TRIO: variants seen among roughly 807,000 people sequenced by gnomAD.
TRIO encodes the protein triple functional domain protein.
TRIO carries 58 observed loss-of-function variants against 351.9 expected under a neutral mutation model. That is an observed-to-expected ratio of 0.16 (90% CI 0.13 to 0.21). TRIO has a LOEUF of 0.21. Among genes scored for constraint, TRIO ranks in the 10% least tolerant of loss-of-function variants. The probability of loss-of-function intolerance (pLI) is 1.00; values close to 1 mark genes in which losing one functional copy is unlikely to be tolerated. For missense variants in TRIO, 3,201 were observed against 4,027.8 expected (o/e 0.79, Z 5.56); for synonymous variants, 1,758 against 1,595.7 (o/e 1.10, Z -2.42).
intron 34 of TRIO, among the ~76,000 whole-genome samples, chr5:14,430,003 C>T (rs1030504200): frequency 6.6e-5 from 10 of 152,132 alleles, no homozygotes; most frequent in African/African-American, 1.2e-4. Context: ...GCAGGGACAT[C>T]GGGCTGGGAT....
intron 9 of TRIO, among the ~76,000 whole-genome samples, chr5:14,318,058 C>T (rs919010577): frequency 2.0e-5 from 3 of 151,668 alleles, no homozygotes; most frequent in East Asian, 3.9e-4. Flanking sequence ...ACCCAGGAGG[C>T]GGAGGTTGCA....
chr5:14,282,945 A>G (rs1478900970), intron 3 of TRIO, among the ~76,000 whole-genome samples: 1 of 152,168 alleles, frequency 6.6e-6, no homozygotes, highest in Non-Finnish European at 1.5e-5. Context: ...ATGGAGAAAG[A>G]TTTCAGAGTA....
chr5:14,476,819 A>G, intron 40 of TRIO, 75 bp from the exon 41 acceptor site: 2 of 1,311,578 alleles, frequency 1.5e-6, no homozygotes, highest in East Asian at 2.4e-5. Flanking sequence ...AAAGAAAAAG[A>G]AAAAATGTAA....
Position 14,179,611 on chromosome 5 carries a change from A to ATTT in TRIO, c.157+35739_157+35741dup, listed in dbSNP as rs60266582. 2.4e-4 allele frequency among the ~76,000 whole-genome samples: 35 copies of ATTT among 143,780 alleles called. 1 individual carries two copies. The highest frequency in any genetic ancestry group is 4.8e-4 in the African/African-American group (19 of 39,856). The allele number at this position is 143,780 out of a possible 152,430, so 94.3% of individuals were successfully genotyped here. A position where few individuals can be genotyped will look rare whatever the true frequency, so the allele number is the denominator to read the frequency against. On this transcript the variant is annotated intron_variant, in intron 1 of 56. Coordinates refer to ENST00000344204, the MANE Select transcript of TRIO (RefSeq NM_007118.4). ...ATCACGAAGCCCAGCTCAGTTTTTG[A>ATTT]TTTTTTTTTTTTCTTTTGGTAGCAG...
At chr5:14,204,033 A>G (rs184418522) in intron 1 of TRIO, among the ~76,000 whole-genome samples, 1 of 152,300 alleles carries the variant, frequency 6.6e-6, no homozygotes, top group Admixed American at 6.5e-5. Flanking sequence ...CAGGATCCTG[A>G]TGGATGTCTC....
At position 14,419,722 on chromosome 5, in the gene TRIO, G is replaced by C; in HGVS notation, c.4960-56G>C. On this transcript the variant is annotated intron_variant, in intron 33 of 56. Transcript: ENST00000344204. ...CCTGGAGGACTTCCCAGCTGTACCT[G>C]AAGGCACCATGGCTCACACTGGCTG... 3 of 1,593,296 alleles carry C rather than the reference G, an allele frequency of 1.9e-6. No individual in the cohort carries two copies. In the South Asian group the frequency reaches 3.5e-5, roughly 18 times the overall value.
intron 1 of TRIO, among the ~76,000 whole-genome samples, chr5:14,195,297 G>C (rs1248568333): frequency 1.3e-5 from 2 of 152,134 alleles, no homozygotes; most frequent in Non-Finnish European, 2.9e-5. Flanking sequence ...CAAGTTTGCT[G>C]AACGACCCTT....
At chr5:14,152,089 A>G (rs966493963) in intron 1 of TRIO, among the ~76,000 whole-genome samples, 1 of 152,234 alleles carries the variant, frequency 6.6e-6, no homozygotes, top group Non-Finnish European at 1.5e-5. Context: ...ACACAATAAA[A>G]TCTCTAAAGT....
chr5:14,428,055 T>A (rs1750795100), intron 34 of TRIO, among the ~76,000 whole-genome samples: 1 of 152,150 alleles, frequency 6.6e-6, no homozygotes, highest in Non-Finnish European at 1.5e-5. Flanking sequence ...TGGTTTAAAT[T>A]TGTTCACCCC....
intron 1 of TRIO, among the ~76,000 whole-genome samples, chr5:14,263,252 A>G (rs1795465070): frequency 6.6e-6 from 1 of 152,178 alleles, no homozygotes; most frequent in South Asian, 2.1e-4. Flanking sequence ...CACTTTGTAT[A>G]TGAGCACCCC....
chr5:14,469,970 G>A (rs1366297462), intron 37 of TRIO, among the ~76,000 whole-genome samples: 1 of 152,176 alleles, frequency 6.6e-6, no homozygotes, highest in African/African-American at 2.4e-5. Flanking sequence ...GGGATGGGGG[G>A]TACAGAACAT....
At chr5:14,393,488 TA>T (rs535323013) in intron 27 of TRIO, among the ~76,000 whole-genome samples, 218 of 152,382 alleles carry the variant, frequency 1.4e-3, no homozygotes, top group Non-Finnish European at 2.3e-3. Flanking sequence ...ACAGTTGGTT[TA>T]TTTTTTTAGA....
chr5:14,280,488 G>GTAA, intron 3 of TRIO, 52 bp downstream of exon 3: 1 of 1,493,276 alleles, frequency 6.7e-7, no homozygotes, highest in South Asian at 1.1e-5. Context: ...TACAAGAGAT[G>GTAA]TGGCGCTATA....
chr5:14,369,222 C>T, intron 17 of TRIO, 152 bp from the exon 18 acceptor site: 1 of 1,148,598 alleles, frequency 8.7e-7, no homozygotes. Flanking sequence ...TGTAGTTGTT[C>T]TCCAGCCAGG....
At position 14,257,767 on chromosome 5, in the gene TRIO, C is replaced by T. The variant is rs571457220; in HGVS notation, c.158-13058C>T. Among the ~76,000 whole-genome samples the T allele has an allele frequency of 2.6e-4, 39 of 152,270 alleles. No homozygotes were observed. The Middle Eastern group carries it at 0.014, about 53-fold the overall frequency. On this transcript the variant is annotated intron_variant, in intron 1 of 56. Transcript: ENST00000344204. The stretch of plus-strand genomic sequence containing the variant: ...GTTAGTGGCTTTTTAACAATAATTA[C>T]ATGTCTCAGTCTGTTCTTTTAGTTT...
At chr5:14,164,549 G>C (rs978744806) in intron 1 of TRIO, among the ~76,000 whole-genome samples, 1 of 152,194 alleles carries the variant, frequency 6.6e-6, no homozygotes, top group African/African-American at 2.4e-5. Context: ...GGGCACAAAG[G>C]CTCTGTTGTG....
chr5:14,426,266 T>C (rs1750634110), intron 34 of TRIO, among the ~76,000 whole-genome samples: 1 of 152,112 alleles, frequency 6.6e-6, no homozygotes, highest in Non-Finnish European at 1.5e-5. Flanking sequence ...CTATACACCT[T>C]CTCTTGGAGC....
intron 1 of TRIO, among the ~76,000 whole-genome samples, chr5:14,239,538 T>C (rs1794001412): frequency 6.6e-6 from 1 of 152,204 alleles, no homozygotes; most frequent in Admixed American, 6.5e-5. Context: ...CACTGGGTAC[T>C]GATTCCCTGT....
intron 20 of TRIO, among the ~76,000 whole-genome samples, chr5:14,379,078 C>CT (rs576654887): frequency 7.2e-4 from 109 of 152,286 alleles, no homozygotes; most frequent in African/African-American, 2.5e-3. Context: ...AATCCGTAAA[C>CT]TTTCATCCAG....
Sources: gnomAD v4.1 joint callset for allele counts (sites outside exome capture counted in the v4.1 genomes callset) on GRCh38, gnomAD v4.1.1 for gene constraint, MANE v1.5 for transcripts, NCBI Gene and HGNC (gene_info 2026-07-23, HGNC 2026-07-21) for gene names.